PDGFD: variants seen among roughly 807,000 people sequenced by gnomAD.
PDGFD encodes platelet-derived growth factor D.
Under a neutral mutation model 44.7 loss-of-function variants are expected in PDGFD, and 30 were observed. The ratio of observed to expected loss-of-function variants is 0.67; its 90% CI spans 0.50 to 0.91. PDGFD has a LOEUF of 0.91. PDGFD is among the 40% of genes least tolerant of loss of function. The pLI, the probability that PDGFD is intolerant of heterozygous loss-of-function variation, is 0.00. For synonymous variants in PDGFD, 173 were observed against 168.4 expected (o/e 1.03, Z -0.21); for missense variants, 445 against 457.8 (o/e 0.97, Z 0.25).
At chr11:104,005,278 C>T (rs1316076137) in intron 1 of PDGFD, among the ~76,000 whole-genome samples, 2 of 152,170 alleles carry the variant, frequency 1.3e-5, no homozygotes, top group Admixed American at 6.5e-5. Flanking sequence ...AGAATACAAA[C>T]CAGGCTATCT....
intron 5 of PDGFD, among the ~76,000 whole-genome samples, chr11:103,939,056 A>T (rs568020236): frequency 1.3e-5 from 2 of 152,140 alleles, no homozygotes; most frequent in Non-Finnish European, 2.9e-5. Context: ...TTGGTTCCAC[A>T]TGAACTTTAA....
chr11:104,155,622 C>A (rs1399027479), intron 1 of PDGFD, among the ~76,000 whole-genome samples: 1 of 152,140 alleles, frequency 6.6e-6, no homozygotes, highest in Non-Finnish European at 1.5e-5. Flanking sequence ...GACAAATGGG[C>A]TTTTAGTGTC....
chr11:104,113,583 T>C (rs1861591649), intron 1 of PDGFD, among the ~76,000 whole-genome samples: 1 of 149,308 alleles, frequency 6.7e-6, no homozygotes, highest in Non-Finnish European at 1.5e-5. Flanking sequence ...AACATCCAAC[T>C]GCAGTGTTTT....
intron 1 of PDGFD, chr11:104,036,799 G>A (rs749439680): frequency 1.3e-6 from 2 of 1,596,402 alleles, no homozygotes; most frequent in African/African-American, 2.7e-5. Context: ...CCCTCTGCTA[G>A]CCCGGCCCGC....
chr11:104,088,932 A>T (rs947583967), intron 1 of PDGFD, among the ~76,000 whole-genome samples: 1 of 151,608 alleles, frequency 6.6e-6, no homozygotes, highest in Non-Finnish European at 1.5e-5. Flanking sequence ...GGGGGAAAAA[A>T]AAAACTACGG....
chr11:104,140,489 C>A (rs1361668764), intron 1 of PDGFD, among the ~76,000 whole-genome samples: 2 of 144,222 alleles, frequency 1.4e-5, no homozygotes, highest in Non-Finnish European at 3.0e-5. Flanking sequence ...AAGGTGCACT[C>A]TTTTAAACAC....
chr11:104,099,870 G>A (rs1861345640), intron 1 of PDGFD, among the ~76,000 whole-genome samples: 2 of 151,900 alleles, frequency 1.3e-5, no homozygotes, highest in African/African-American at 4.8e-5. Flanking sequence ...TGCATGTTAC[G>A]TCTAAGCTCG....
intron 1 of PDGFD, among the ~76,000 whole-genome samples, chr11:104,114,821 G>A (rs553456597): frequency 1.3e-5 from 2 of 150,652 alleles, no homozygotes; most frequent in African/African-American, 4.9e-5. Context: ...TATTTCATTA[G>A]ATGTATACTT....
At chr11:103,917,176 C>T (rs973162934) in intron 6 of PDGFD, among the ~76,000 whole-genome samples, 1 of 151,874 alleles carries the variant, frequency 6.6e-6, no homozygotes, top group African/African-American at 2.4e-5. Flanking sequence ...TATTTGTTAA[C>T]ATATAATATC....
chr11:103,924,679 T>C (rs1424602981), intron 6 of PDGFD, among the ~76,000 whole-genome samples: 1 of 152,188 alleles, frequency 6.6e-6, no homozygotes, highest in East Asian at 1.9e-4. Flanking sequence ...CTTACTACGA[T>C]TTTTGTGTTG....
chr11:104,054,707 G>A (rs1312426907), intron 1 of PDGFD, among the ~76,000 whole-genome samples: 1 of 152,206 alleles, frequency 6.6e-6, no homozygotes, highest in African/African-American at 2.4e-5. Context: ...CTTCAGAGCT[G>A]AAGGGGAATA....
chr11:104,048,711 C>T (rs911907523), intron 1 of PDGFD, among the ~76,000 whole-genome samples: 14 of 152,266 alleles, frequency 9.2e-5, no homozygotes, highest in East Asian at 3.9e-4. Flanking sequence ...AAGTCCAATT[C>T]GTGGTATGCC....
intron 5 of PDGFD, among the ~76,000 whole-genome samples, chr11:103,929,369 G>A (rs368815707): frequency 2.0e-5 from 3 of 152,070 alleles, no homozygotes; most frequent in East Asian, 3.9e-4. Flanking sequence ...GGTGGTGAAT[G>A]GCCACATCCT....
At chr11:104,119,111 A>ATAAT (rs1565340518) in intron 1 of PDGFD, among the ~76,000 whole-genome samples, 20 of 64,122 alleles carry the variant, frequency 3.1e-4, no homozygotes, top group Admixed American at 6.1e-4. Flanking sequence ...ATAATATATT[A>ATAAT]ATATAATATA....
intron 3 of PDGFD, among the ~76,000 whole-genome samples, chr11:103,960,400 T>C (rs1858917644): frequency 1.3e-5 from 2 of 152,198 alleles, no homozygotes; most frequent in Admixed American, 1.3e-4. Context: ...AACTGTTATT[T>C]ACTTATGTAT....
At chr11:103,977,688 G>A (rs770973910) in intron 3 of PDGFD, among the ~76,000 whole-genome samples, 6 of 152,004 alleles carry the variant, frequency 3.9e-5, no homozygotes, top group Non-Finnish European at 5.9e-5. Context: ...ATGTTTCTTT[G>A]TTTTGATTAT....
chr11:104,125,918 A>T lies in PDGFD; in HGVS notation c.124+37886T>A, dbSNP rs544364595. ...GATATTCAATTCAGAAAACTAGAAT[A>T]ACAGTGACATCGTTACATAGAACAA... On this transcript the variant is annotated intron_variant, in intron 1 of 6. Coordinates refer to ENST00000393158, the MANE Select transcript of PDGFD (RefSeq NM_025208.5). 4.0e-4 allele frequency among the ~76,000 whole-genome samples: 61 copies of T among 152,328 alleles called. 1 individual carries two copies. The South Asian group carries it at 5.6e-3, about 14-fold the overall frequency.
Position 104,043,923 on chromosome 11 carries a change from G to T in PDGFD, c.125-43668C>A, listed in dbSNP as rs529133143. Among the ~76,000 whole-genome samples the T allele has an allele frequency of 3.5e-4, 54 of 152,164 alleles. 1 individual carries two copies. The highest frequency in any genetic ancestry group is 7.2e-4 in the Non-Finnish European group (49 of 68,026). Reference sequence around the variant, plus strand: ...CATTGTGAATCACATTTCAACATGAGATTTGGAGAGGAAAAATATCTAAAC... The same window carrying T: ...CATTGTGAATCACATTTCAACATGATATTTGGAGAGGAAAAATATCTAAAC... On this transcript the variant is annotated intron_variant, in intron 1 of 6. Transcript: ENST00000393158.
At chr11:103,973,930 C>T (rs1009508969) in intron 3 of PDGFD, among the ~76,000 whole-genome samples, 23 of 152,114 alleles carry the variant, frequency 1.5e-4, no homozygotes, top group African/African-American at 5.3e-4. Context: ...TAGAGAGTTA[C>T]TGAAGGGTTT....
Sources: allele counts gnomAD v4.1 joint callset (sites outside exome capture counted in the v4.1 genomes callset), GRCh38; gene constraint gnomAD v4.1.1; transcripts MANE v1.5; gene names NCBI Gene and HGNC (gene_info 2026-07-23, HGNC 2026-07-21).